The following AKAP6 variants were observed in gnomAD, a reference collection of about 807,000 sequenced individuals.
The protein encoded by AKAP6 is A-kinase anchoring protein 6.
A neutral mutation model predicts 188.5 loss-of-function variants in AKAP6; 58 were observed. The observed-to-expected ratio is 0.31, with a 90% CI of 0.25 to 0.38. The LOEUF (loss-of-function observed/expected upper bound fraction) is 0.38. Among genes scored for constraint, AKAP6 ranks in the 10% least tolerant of loss-of-function variants. The pLI is 1.00. For missense variants in AKAP6, 2,710 were observed against 2,740.0 expected, an observed-to-expected ratio of 0.99 and a Z score of 0.24; for synonymous variants, 989 against 998.6, an observed-to-expected ratio of 0.99 and a Z score of 0.18.
chr14:32,597,396 T>C (rs1490395436), intron 5 of AKAP6, among the ~76,000 whole-genome samples: 3 of 152,170 alleles, frequency 2.0e-5, no homozygotes, highest in Non-Finnish European at 4.4e-5. Context: ...TCTTGGGTGA[T>C]CTTAAGTGTT....
At chr14:32,522,232 A>G (rs1881876151) in intron 2 of AKAP6, among the ~76,000 whole-genome samples, 1 of 152,316 alleles carries the variant, frequency 6.6e-6, no homozygotes, top group Non-Finnish European at 1.5e-5. Context: ...AACCATAAAA[A>G]CCCTAGAAGA....
chr14:32,385,174 C>A (rs1217422616), intron 1 of AKAP6: 2 of 149,894 alleles, frequency 1.3e-5, no homozygotes, highest in African/African-American at 4.9e-5. Context: ...ATGTAAGAGA[C>A]ATTTTTTTTA....
chr14:32,605,577 T>C (rs546264026), intron 7 of AKAP6, among the ~76,000 whole-genome samples: 1 of 152,284 alleles, frequency 6.6e-6, no homozygotes, highest in African/African-American at 2.4e-5. Context: ...AACCTGAACA[T>C]ATTGTTTAAG....
chr14:32,560,106 A>G (rs892093173), intron 4 of AKAP6, among the ~76,000 whole-genome samples: 1 of 152,164 alleles, frequency 6.6e-6, no homozygotes, highest in African/African-American at 2.4e-5. Flanking sequence ...TCCAAGGCAT[A>G]CATAAACTTA....
rs956520298 is a variant in AKAP6, at chr14:32,546,713, A to T, written c.2060A>T (p.Lys687Ile). 1 of 1,614,190 alleles carries T rather than the reference A, an allele frequency of 6.2e-7. No individual in the cohort carries two copies. The highest frequency in any genetic ancestry group is 8.5e-7 in the Non-Finnish European group (1 of 1,180,032). ...DSEIYPTYHV[K>I]KKHTRLGRVS... ...GAAATCTATCCAACCTATCATGTCA[A>T]AAAGAAGCATACAAGGCTAGGCAGG... is the stretch of plus-strand genomic sequence containing the variant. The change falls in exon 4 of 14, where the codon AAA becomes ATA. Residue 687 changes from lysine (K) to isoleucine (I), a missense_variant. Physicochemically the swap from Lys to Ile is moderately radical, Grantham distance 102 (BLOSUM62 -3). This residue lies in a region of AKAP6 where 2,473 missense variants were observed against 2,426.1 expected (regional missense o/e 1.02). Coordinates refer to ENST00000280979, the MANE Select transcript of AKAP6 (RefSeq NM_004274.5).
In AKAP6 at chr14:32,336,214, G is replaced by T. The variant is rs946571874; in HGVS notation, c.-35+6806G>T. On this transcript the variant is annotated intron_variant, in intron 1 of 13. Transcript: ENST00000280979. ...ATGGCACTTGCTGCACAGGAAAAAG[G>T]TAAGTTTTTTTTTTTTACTGTGTGA... Among the ~76,000 whole-genome samples, 18 of 151,224 alleles carry T rather than the reference G, an allele frequency of 1.2e-4. 1 individual carries two copies. The highest frequency in any genetic ancestry group is 4.4e-4 in the African/African-American group (18 of 41,020).
intron 9 of AKAP6, among the ~76,000 whole-genome samples, chr14:32,709,933 C>CT (rs1303417314): frequency 1.3e-5 from 2 of 152,032 alleles, no homozygotes; most frequent in East Asian, 3.9e-4. Context: ...TACACTCCAT[C>CT]TAACTGAAAC....
chr14:32,358,748 C>T (rs961786102), intron 1 of AKAP6, among the ~76,000 whole-genome samples: 17 of 152,120 alleles, frequency 1.1e-4, no homozygotes, highest in African/African-American at 2.9e-4. Context: ...GGAGGAAAAA[C>T]GATGAGATGT....
chr14:32,690,204 A>C (rs1890120532), intron 8 of AKAP6, among the ~76,000 whole-genome samples: 1 of 150,758 alleles, frequency 6.6e-6, no homozygotes, highest in African/African-American at 2.4e-5. Flanking sequence ...TATTTTGATG[A>C]TTTCTTAATT....
chr14:32,523,472 C>CTT (rs553132622), intron 2 of AKAP6, among the ~76,000 whole-genome samples: 1,617 of 142,802 alleles, frequency 0.011, 47 homozygotes, highest in African/African-American at 0.038. Flanking sequence ...CTCTCTCTCT[C>CTT]TTTTTTTTTT....
intron 2 of AKAP6, among the ~76,000 whole-genome samples, chr14:32,514,775 T>G (rs868669237): frequency 6.6e-6 from 1 of 152,330 alleles, no homozygotes; most frequent in South Asian, 2.1e-4. Context: ...CAAAGGAATC[T>G]GTGTATACCT....
At chr14:32,746,350 T>C (rs1196608326) in intron 11 of AKAP6, among the ~76,000 whole-genome samples, 1 of 152,108 alleles carries the variant, frequency 6.6e-6, no homozygotes, top group Non-Finnish European at 1.5e-5. Context: ...TACTGCTGGT[T>C]TTTCAGGGTT....
At chr14:32,676,985 C>G (rs1391875888) in intron 7 of AKAP6, among the ~76,000 whole-genome samples, 3 of 152,114 alleles carry the variant, frequency 2.0e-5, no homozygotes, top group Non-Finnish European at 4.4e-5. Flanking sequence ...AGGCATGCGC[C>G]CGGGTAATTT....
At chr14:32,787,239 C>T (rs1200823166) in intron 12 of AKAP6, among the ~76,000 whole-genome samples, 1 of 152,242 alleles carries the variant, frequency 6.6e-6, no homozygotes. Context: ...GAACCCCACA[C>T]TTTTTCTGCC....
intron 5 of AKAP6, among the ~76,000 whole-genome samples, chr14:32,595,633 C>T (rs150649886): frequency 1.6e-4 from 24 of 152,212 alleles, no homozygotes; most frequent in Non-Finnish European, 2.8e-4. Flanking sequence ...CTCAGCTTCC[C>T]GAGTAGCCAG....
intron 7 of AKAP6, among the ~76,000 whole-genome samples, chr14:32,635,956 C>T (rs1447719201): frequency 6.6e-6 from 1 of 152,034 alleles, no homozygotes; most frequent in Non-Finnish European, 1.5e-5. Context: ...TTAGATAGTT[C>T]TCAAGAGACT....
intron 8 of AKAP6, among the ~76,000 whole-genome samples, chr14:32,681,307 C>T (rs1388377760): frequency 1.3e-5 from 2 of 152,088 alleles, no homozygotes; most frequent in African/African-American, 4.8e-5. Flanking sequence ...GATGTCAGAA[C>T]TCAGTGTAGA....
At chr14:32,792,608 A>G (rs1292294114) in intron 12 of AKAP6, among the ~76,000 whole-genome samples, 2 of 152,008 alleles carry the variant, frequency 1.3e-5, no homozygotes, top group African/African-American at 2.4e-5. Context: ...AATATCCTTT[A>G]TTTCTTTCTC....
At chr14:32,523,243 G>T (rs1320191299) in intron 2 of AKAP6, among the ~76,000 whole-genome samples, 2 of 151,988 alleles carry the variant, frequency 1.3e-5, no homozygotes, top group African/African-American at 4.8e-5. Flanking sequence ...TGAGTTAATG[G>T]GTGCAGCACA....
Sources: allele counts gnomAD v4.1 joint callset (sites outside exome capture counted in the v4.1 genomes callset), GRCh38; gene constraint gnomAD v4.1.1; regional missense constraint gnomAD v4.1.1; transcripts MANE v1.5; gene names NCBI Gene and HGNC (gene_info 2026-07-23, HGNC 2026-07-21).